CUX1: variants seen among roughly 807,000 people sequenced by gnomAD.
The protein encoded by CUX1 is cut like homeobox 1.
CUX1 carries 31 observed loss-of-function variants against 158.8 expected under a neutral mutation model. The ratio of observed to expected loss-of-function variants is 0.20; its 90% CI spans 0.15 to 0.26. The LOEUF (loss-of-function observed/expected upper bound fraction) is 0.26, where lower values mean the gene tolerates loss of function less well. Among genes scored for constraint, CUX1 ranks in the 10% least tolerant of loss-of-function variants. The probability of loss-of-function intolerance (pLI) is 1.00; values close to 1 mark genes in which losing one functional copy is unlikely to be tolerated. For synonymous variants in CUX1, 879 were observed against 862.1 expected (o/e 1.02, Z -0.34); for missense variants, 1,589 against 2,014.6 (o/e 0.79, Z 4.04).
intron 2 of CUX1, among the ~76,000 whole-genome samples, chr7:101,917,487 A>G (rs1804354873): frequency 6.6e-6 from 1 of 152,144 alleles, no homozygotes; most frequent in African/African-American, 2.4e-5. Flanking sequence ...TCACGAGACC[A>G]AAAATGCAGG....
At chr7:101,922,541 G>A (rs1340600446) in intron 2 of CUX1, among the ~76,000 whole-genome samples, 1 of 152,198 alleles carries the variant, frequency 6.6e-6, no homozygotes, top group African/African-American at 2.4e-5. Context: ...TGCAGCCTTA[G>A]TTTAGAACAC....
chr7:102,236,856 A>G lies in CUX1; in HGVS notation c.3623-2464A>G, dbSNP rs1799622165. Among the ~76,000 whole-genome samples the G allele has an allele frequency of 2.0e-5, 3 of 152,200 alleles. No homozygotes were observed. The South Asian group carries it at 6.2e-4, about 32-fold the overall frequency. ...CCAGGCCTCCCATCTTTCCCTCGGC[A>G]CAGGCTCGGGGCGCCCTCTTGTGTT... On this transcript the variant is annotated intron_variant, in intron 22 of 23. Transcript: ENST00000292535.
chr7:102,281,606 T>G (rs1178341640), intron 20 of CUX1, among the ~76,000 whole-genome samples: 2 of 151,924 alleles, frequency 1.3e-5, no homozygotes, highest in African/African-American at 4.8e-5. Flanking sequence ...GAGGTTGCAG[T>G]GAGCCAAGAT....
At chr7:102,271,104 G>T (rs545983397) in intron 14 of CUX1, among the ~76,000 whole-genome samples, 2 of 152,248 alleles carry the variant, frequency 1.3e-5, no homozygotes, top group African/African-American at 4.8e-5. Context: ...CTCTTGCCAG[G>T]CGCACACCTC....
At position 102,178,597 on chromosome 7, in the gene CUX1, T is replaced by C; in HGVS notation, c.957T>C (p.Asn319=). ...CCAGCCTCACCAAGCTGCGGGAGAA[T>C]TCGGCCAGCCAGATCTCACAGCTTG... The part of the protein sequence containing the change: ...LQASLTKLRE[N]SASQISQLEQ... The change falls in exon 11 of 24, where the codon AAT becomes AAC. Residue 319 remains asparagine (N), a synonymous_variant. Coordinates refer to ENST00000292535, the MANE Select transcript of CUX1 (RefSeq NM_181552.4). 1 of 1,611,960 alleles carries C rather than the reference T, an allele frequency of 6.2e-7. No individual in the cohort carries two copies. Among genetic ancestry groups the C allele is most frequent in the Non-Finnish European group, 8.5e-7 (1 of 1,179,118 alleles).
At chr7:101,881,053 G>A (rs1799654837) in intron 1 of CUX1, among the ~76,000 whole-genome samples, 1 of 152,200 alleles carries the variant, frequency 6.6e-6, no homozygotes, top group African/African-American at 2.4e-5. Flanking sequence ...GGGAAACGGG[G>A]GCTGAGTTAC....
intron 1 of CUX1, among the ~76,000 whole-genome samples, chr7:101,857,845 G>C (rs1797036960): frequency 1.3e-5 from 2 of 152,154 alleles, no homozygotes; most frequent in Non-Finnish European, 2.9e-5. Context: ...AGTAAGGGCT[G>C]GGGGTGGTGG....
chr7:101,834,497 G>A (rs961916636), intron 1 of CUX1, among the ~76,000 whole-genome samples: 17 of 152,218 alleles, frequency 1.1e-4, no homozygotes, highest in Middle Eastern at 3.4e-3. Flanking sequence ...TAAAGAAAGA[G>A]CAAGACTGAA....
Position 102,255,213 on chromosome 7 carries a change from C to T in CUX1, c.*6171C>T. The stretch of plus-strand genomic sequence containing the variant: ...AAACTGCCTCCTCCTGCCCAGGCCT[C>T]TCCCACCACCACCTTCCCTCCAAAG... On this transcript the variant is annotated 3_prime_UTR_variant, in exon 24 of 24. Transcript: ENST00000292535. The T allele has an allele frequency of 3.0e-6, 3 of 985,536 alleles. No individual in the cohort carries two copies. Among genetic ancestry groups the T allele is most frequent in the Non-Finnish European group, 3.6e-6 (3 of 829,992 alleles). The allele number at this position is 985,536 out of a possible 1,614,324, so 61.0% of individuals were successfully genotyped here.
chr7:101,857,514 C>G (rs995765606), intron 1 of CUX1, among the ~76,000 whole-genome samples: 4 of 152,136 alleles, frequency 2.6e-5, no homozygotes, highest in African/African-American at 9.7e-5. Flanking sequence ...AAGCAGCGCA[C>G]GCTTTGAGTC....
rs369229075 is a variant in CUX1, at chr7:102,201,775, C to G, written c.2478C>G (p.Ser826Arg). 6.2e-7 allele frequency: 1 copy of G among 1,612,474 alleles called. No individual in the cohort carries two copies. The highest frequency in any genetic ancestry group is 1.7e-5 in the Admixed American group (1 of 59,998). ...GTGCCTGGAAGGACCACTGGTGGAG[C>G]GCGGTGCAGCCGGAGAGAAGAAATG... ...RSGAWKDHWWSAVQPERRNAA... is the reference protein window; with the variant it reads ...RSGAWKDHWWRAVQPERRNAA... The change falls in exon 18 of 24, where the codon AGC becomes AGG. Residue 826 changes from serine to arginine, a missense_variant. By Grantham distance (110) the Ser-to-Arg change is moderately radical (BLOSUM62 -1). Coordinates refer to ENST00000292535, the MANE Select transcript of CUX1 (RefSeq NM_181552.4). This position sits in a 1 kb window ranked among gnomAD's most constrained non-coding sequence, Gnocchi z 5.0.
Position 102,257,451 on chromosome 7 carries a change from G to GGTGAATT in CUX1, c.*8409_*8410insGTGAATT. 3 of 985,294 alleles carry GGTGAATT rather than the reference G, an allele frequency of 3.0e-6. No individual in the cohort carries two copies. In the South Asian group the frequency reaches 1.4e-4, roughly 46 times the overall value. 61.0% of individuals were successfully genotyped at this position (985,294 alleles called of 1,614,324 possible). On this transcript the variant is annotated 3_prime_UTR_variant, in exon 24 of 24. Coordinates refer to ENST00000292535, the MANE Select transcript of CUX1 (RefSeq NM_181552.4). ...AAAAAATCCCGTGTATTCTGGAGAT[G>GGTGAATT]TGAGAATTCACCCAAAATTCTTAAA...
chr7:102,105,343 T>G (rs569924312), intron 6 of CUX1, among the ~76,000 whole-genome samples: 1 of 152,086 alleles, frequency 6.6e-6, no homozygotes, highest in Non-Finnish European at 1.5e-5. Context: ...TAATGCCCTA[T>G]GTAACTGATG....
rs546696283 is a variant in CUX1, at chr7:101,891,487, AG to A, written c.31-24627del. Among the ~76,000 whole-genome samples the A allele has an allele frequency of 8.5e-5, 13 of 152,272 alleles. No homozygotes were observed. The South Asian group carries it at 1.9e-3, about 22-fold the overall frequency. ...GATCCTCCTGCCTCAGCCTCCCCAA[AG>A]TGCTAGGATTATAGGCATAAGCCCT... On this transcript the variant is annotated intron_variant, in intron 1 of 23. Coordinates refer to ENST00000292535, the MANE Select transcript of CUX1 (RefSeq NM_181552.4).
intron 3 of CUX1, among the ~76,000 whole-genome samples, chr7:102,062,138 C>A (rs1005252415): frequency 6.6e-6 from 1 of 152,206 alleles, no homozygotes; most frequent in Admixed American, 6.5e-5. Flanking sequence ...TCAGATAAGA[C>A]ACCATCACTT....
intron 1 of CUX1, among the ~76,000 whole-genome samples, chr7:101,848,022 C>T (rs1434647739): frequency 7.9e-6 from 1 of 126,624 alleles, no homozygotes; most frequent in Non-Finnish European, 1.6e-5. Context: ...CACGCCATTG[C>T]ACTCCAGCCT....
intron 1 of CUX1, among the ~76,000 whole-genome samples, chr7:101,870,485 G>T (rs1225488996): frequency 1.3e-5 from 2 of 152,094 alleles, no homozygotes; most frequent in Non-Finnish European, 2.9e-5. Context: ...TTTAAAGAGG[G>T]GGTGGTGCTA....
intron 2 of CUX1, among the ~76,000 whole-genome samples, chr7:102,015,261 T>C (rs1232545348): frequency 6.6e-6 from 1 of 152,152 alleles, no homozygotes; most frequent in African/African-American, 2.4e-5. Context: ...GGAGTCTCAC[T>C]CTGTCACCCA....
chr7:102,021,889 A>C (rs1441597511), intron 2 of CUX1, among the ~76,000 whole-genome samples: 1 of 152,050 alleles, frequency 6.6e-6, no homozygotes, highest in African/African-American at 2.4e-5. Context: ...AAATGACTTG[A>C]TGACTTTGGA....
Sources: gnomAD v4.1 joint callset for allele counts (sites outside exome capture counted in the v4.1 genomes callset) on GRCh38, gnomAD v4.1.1 for gene constraint, Gnocchi (gnomAD v3.1) non-coding constraint, MANE v1.5 for transcripts, NCBI Gene and HGNC (gene_info 2026-07-23, HGNC 2026-07-21) for gene names.